EPHA4: variants seen among roughly 807,000 people sequenced by gnomAD.
EPHA4 encodes the protein EPH receptor A4, also known as ephrin type-A receptor 4.
Under a neutral mutation model 108.3 loss-of-function variants are expected in EPHA4, and 19 were observed. The observed-to-expected ratio is 0.18, with a 90% confidence interval of 0.12 to 0.26. The LOEUF is 0.26. Ranked by LOEUF, EPHA4 falls within the 10% of genes least tolerant of loss-of-function variation. The probability of loss-of-function intolerance (pLI) is 1.00; values close to 1 mark genes in which losing one functional copy is unlikely to be tolerated. For missense variants in EPHA4, 917 were observed against 1,254.0 expected (o/e 0.73, Z 4.06); for synonymous variants, 449 against 455.5 (o/e 0.99, Z 0.18).
chr2:221,437,757 C>CAAAAAA (rs538233784), intron 11 of EPHA4, among the ~76,000 whole-genome samples: 7,203 of 125,552 alleles, frequency 0.057, 214 homozygotes, highest in Non-Finnish European at 0.069. Context: ...ACTAAAAATA[C>CAAAAAA]AAAAAAAAAA....
chr2:221,435,161 GT>G (rs1287755085), intron 13 of EPHA4, among the ~76,000 whole-genome samples: 5 of 152,050 alleles, frequency 3.3e-5, no homozygotes, highest in African/African-American at 1.2e-4. Flanking sequence ...ACAATAAATT[GT>G]ACTGGAAATT....
chr2:221,511,287 A>G (rs1463511988), intron 3 of EPHA4, among the ~76,000 whole-genome samples: 1 of 152,172 alleles, frequency 6.6e-6, no homozygotes, highest in Non-Finnish European at 1.5e-5. Context: ...GAGAACTGTA[A>G]CCTAACTTAG....
chr2:221,482,158 G>C (rs899479999), intron 5 of EPHA4, among the ~76,000 whole-genome samples, 194 bp downstream of exon 5: 2 of 152,082 alleles, frequency 1.3e-5, no homozygotes, highest in African/African-American at 4.8e-5. Context: ...TGATCCACCT[G>C]CCCTGGCCTC....
chr2:221,560,413 A>T (rs981156424), intron 3 of EPHA4, among the ~76,000 whole-genome samples: 25 of 152,144 alleles, frequency 1.6e-4, no homozygotes, highest in African/African-American at 5.8e-4. Context: ...TCTCTTTCCT[A>T]TCGAGGAGGA....
chr2:221,552,568 T>G (rs1203351095), intron 3 of EPHA4, among the ~76,000 whole-genome samples: 1 of 152,216 alleles, frequency 6.6e-6, no homozygotes, highest in Non-Finnish European at 1.5e-5. Flanking sequence ...GATCCATTCT[T>G]TTAACATGTT....
intron 5 of EPHA4, among the ~76,000 whole-genome samples, chr2:221,463,821 G>A (rs111397850): frequency 0.011 from 1,722 of 152,304 alleles, 24 homozygotes; most frequent in Non-Finnish European, 0.016. Context: ...AGAAAAGAAA[G>A]AGAGGAAAGC....
intron 12 of EPHA4, 56 bp downstream of exon 12, chr2:221,437,005 G>A: frequency 7.6e-7 from 1 of 1,312,390 alleles, no homozygotes; most frequent in Admixed American, 1.7e-5. Flanking sequence ...CAAGGACTCT[G>A]TTAGGAGTTT....
intron 11 of EPHA4, among the ~76,000 whole-genome samples, chr2:221,439,117 A>G (rs1690334418): frequency 6.6e-6 from 1 of 152,194 alleles, no homozygotes; most frequent in Non-Finnish European, 1.5e-5. Context: ...TGCATTAGAA[A>G]ATGGTACCAT....
intron 5 of EPHA4, among the ~76,000 whole-genome samples, chr2:221,459,819 G>A (rs766799109): frequency 6.6e-6 from 1 of 152,164 alleles, no homozygotes; most frequent in Non-Finnish European, 1.5e-5. Context: ...ACAGAAAAGT[G>A]AGGTCATTAG....
In EPHA4 at chr2:221,501,490, G is replaced by A. The variant is rs559370982; in HGVS notation, c.824-318C>T. The A allele has an allele frequency of 2.6e-5, 6 of 229,146 alleles. No individual in the cohort carries two copies. In the South Asian group the frequency reaches 7.1e-4, roughly 27 times the overall value. The allele number at this position is 229,146 out of a possible 1,614,324, so 14.2% of individuals were successfully genotyped here. A position where few individuals can be genotyped will look rare whatever the true frequency, so the allele number is the denominator to read the frequency against. ...GCCAGATACCCTTTATACACATTATGCTGCTTAATTCTTACAGCACCCCTT... is the reference window on the plus strand; with the variant it reads ...GCCAGATACCCTTTATACACATTATACTGCTTAATTCTTACAGCACCCCTT... On this transcript the variant is annotated intron_variant, in intron 3 of 17. Transcript: ENST00000281821.
rs149783128 is a variant in EPHA4, at chr2:221,525,324, T to C, written c.824-24152A>G. ...ACAACATGTAGATTAAGTTAAAAGG[T>C]TAATTTTCTGACTCGTGGTCTGGAT... On this transcript the variant is annotated intron_variant, in intron 3 of 17. Coordinates refer to ENST00000281821, the MANE Select transcript of EPHA4 (RefSeq NM_004438.5). Among the ~76,000 whole-genome samples, 32 of 152,232 alleles carry C rather than the reference T, an allele frequency of 2.1e-4. No individual in the cohort carries two copies. The East Asian group carries it at 6.0e-3, about 29-fold the overall frequency.
At chr2:221,460,676 G>A (rs1023426034) in intron 5 of EPHA4, among the ~76,000 whole-genome samples, 2 of 152,114 alleles carry the variant, frequency 1.3e-5, no homozygotes. Context: ...AGCCACATAT[G>A]GGCTTTTCCC....
intron 5 of EPHA4, among the ~76,000 whole-genome samples, chr2:221,471,900 C>T (rs1374905148): frequency 6.6e-6 from 1 of 152,106 alleles, no homozygotes; most frequent in Non-Finnish European, 1.5e-5. Context: ...ACCTTTATCA[C>T]AAACCTTAAT....
chr2:221,547,640 G>C (rs1056335285), intron 3 of EPHA4, among the ~76,000 whole-genome samples: 92 of 152,256 alleles, frequency 6.0e-4, no homozygotes, highest in African/African-American at 2.2e-3. Flanking sequence ...TAATTACGGG[G>C]CACTCTTAAC....
chr2:221,566,887 A>AAGG (rs1253952013), intron 2 of EPHA4, among the ~76,000 whole-genome samples: 1 of 29,414 alleles, frequency 3.4e-5, no homozygotes, highest in Non-Finnish European at 5.8e-5. Context: ...GGAGAAGGAG[A>AAGG]AGGAGAAGGA....
chr2:221,456,880 T>A, intron 6 of EPHA4, 108 bp from the exon 7 acceptor site: 1 of 1,163,892 alleles, frequency 8.6e-7, no homozygotes, highest in Non-Finnish European at 1.2e-6. Context: ...AAACTGAAAG[T>A]AAATGGAGAT....
At chr2:221,570,937 A>AGATG (rs1433525146) in intron 1 of EPHA4, among the ~76,000 whole-genome samples, 2 of 152,204 alleles carry the variant, frequency 1.3e-5, no homozygotes, top group Non-Finnish European at 2.9e-5. Context: ...ACGGATAGAT[A>AGATG]GATGGATGCC....
Position 221,572,142 on chromosome 2 carries a change from G to T in EPHA4, c.91+16C>A, listed in dbSNP as rs777074402. The T allele has an allele frequency of 8.1e-6, 13 of 1,610,110 alleles. No individual in the cohort carries two copies. The highest frequency in any genetic ancestry group is 1.1e-5 in the Non-Finnish European group (13 of 1,176,736). ...CCTCGCTGTCCCCGACCACAGAAAG[G>T]CCGTCCCGCTCTTACCTTCATTCGC... On this transcript the variant is annotated intron_variant, in intron 1 of 17. Coordinates refer to ENST00000281821, the MANE Select transcript of EPHA4 (RefSeq NM_004438.5).
chr2:221,419,498 C>T lies in EPHA4; in HGVS notation c.*1874G>A, dbSNP rs1035731483. 1 of 152,560 alleles carries T rather than the reference C, an allele frequency of 6.6e-6. No homozygotes were observed. The highest frequency in any genetic ancestry group is 2.4e-5 in the African/African-American group (1 of 41,404). The allele number at this position is 152,560 out of a possible 1,614,324, so 9.5% of individuals were successfully genotyped here. On this transcript the variant is annotated 3_prime_UTR_variant, in exon 18 of 18. Coordinates refer to ENST00000281821, the MANE Select transcript of EPHA4 (RefSeq NM_004438.5). ...ATATATTCGTTCGCATTCAACAAGT[C>T]CATTTATGCAGGAAAACAAAGGCTA...
Sources: gnomAD v4.1 joint callset for allele counts (sites outside exome capture counted in the v4.1 genomes callset) on GRCh38, gnomAD v4.1.1 for gene constraint, MANE v1.5 for transcripts, NCBI Gene and HGNC (gene_info 2026-07-23, HGNC 2026-07-21) for gene names.